The following PCM1 variants were observed in gnomAD, a reference collection of about 807,000 sequenced individuals.
PCM1 encodes the protein pericentriolar material 1.
PCM1 carries 157 observed loss-of-function variants against 241.9 expected under a neutral mutation model. That is an observed-to-expected ratio of 0.65 (90% confidence interval 0.57 to 0.74). The LOEUF is 0.74. PCM1 is among the 30% of genes least tolerant of loss of function. The pLI, the probability that PCM1 is intolerant of heterozygous loss-of-function variation, is 0.00. For missense variants in PCM1, 3,478 were observed against 2,360.1 expected, an observed-to-expected ratio of 1.47 and a Z score of -9.81; for synonymous variants, 1,085 against 784.9, an observed-to-expected ratio of 1.38 and a Z score of -6.39.
chr8:17,992,943 T>TC (rs2085292724), intron 28 of PCM1, among the ~76,000 whole-genome samples: 2 of 151,332 alleles, frequency 1.3e-5, no homozygotes, highest in African/African-American at 4.8e-5. Flanking sequence ...TGGTTTTTTT[T>TC]TTTTTTTTTT....
chr8:17,957,777 T>C lies in PCM1; in HGVS notation c.2040+2T>C, dbSNP rs918938442. On this transcript the variant is annotated splice_donor_variant, in intron 13 of 38. Transcript: ENST00000325083. LOFTEE classifies it high-confidence loss of function. The stretch of plus-strand genomic sequence containing the variant: ...CAAGATCTTGTTGCTATGGTACAGG[T>C]AAATATTGCTTGGTCTTTTAAAAAC... 3 of 1,586,752 alleles carry C rather than the reference T, an allele frequency of 1.9e-6. No homozygotes were observed. Among genetic ancestry groups the C allele is most frequent in the Non-Finnish European group, 2.6e-6 (3 of 1,156,648 alleles).
intron 18 of PCM1, 45 bp downstream of exon 18, chr8:17,964,813 G>T (rs761833489): frequency 1.4e-6 from 2 of 1,459,494 alleles, no homozygotes; most frequent in African/African-American, 2.8e-5. Context: ...AAGAGGCTCA[G>T]GTCTTTTTGA....
intron 16 of PCM1, 142 bp from the exon 17 acceptor site, chr8:17,962,959 A>T: frequency 3.3e-6 from 2 of 606,366 alleles, no homozygotes; most frequent in Non-Finnish European, 5.6e-6. Context: ...TATTATTTTA[A>T]CCTTCATGGA....
chr8:18,013,918 G>A (rs373324052), intron 34 of PCM1, 46 bp from the exon 35 acceptor site: 1 of 1,124,988 alleles, frequency 8.9e-7, no homozygotes, highest in Non-Finnish European at 1.3e-6. Flanking sequence ...CTTTTATAGT[G>A]ACCATATATT....
In PCM1 at chr8:17,972,678, A is replaced by G; in HGVS notation, c.3934A>G (p.Lys1312Glu). 3 of 1,532,122 alleles carry G rather than the reference A, an allele frequency of 2.0e-6. No homozygotes were observed. The highest frequency in any genetic ancestry group is 2.6e-6 in the Non-Finnish European group (3 of 1,140,598). The allele number at this position is 1,532,122 out of a possible 1,614,324, so 94.9% of individuals were successfully genotyped here. Residue 1312 changes from lysine (K) to glutamate (E), a missense_variant, in exon 23 of 39, where the codon AAA (lysine) becomes GAA (glutamate). Transcript: ENST00000325083. ...TTCTACTCAGCTGAAAAGCAGAGTT[A>G]AAAACATCAGTAAGTGTTGAAATTT... ...RNSTQLKSRV[K>E]NIRYESASMS... is the part of the protein sequence containing the mutation.
intron 38 of PCM1, among the ~76,000 whole-genome samples, chr8:18,026,529 G>C (rs2094229613): frequency 6.6e-6 from 1 of 151,736 alleles, no homozygotes; most frequent in Admixed American, 6.6e-5. Context: ...AAAGTGCTGA[G>C]ATTACAGGCG....
chr8:17,960,250 T>C lies in PCM1; in HGVS notation c.2193-65T>C, dbSNP rs997327309. ...AGGTGCTCAGCTAGGTACTGTGTTA[T>C]GTTGTGCCTAATGCTTCATCACATT... On this transcript the variant is annotated intron_variant, in intron 14 of 38. Transcript: ENST00000325083. 5.1e-6 allele frequency: 8 copies of C among 1,559,650 alleles called. No individual in the cohort carries two copies. In the African/African-American group the frequency reaches 1.1e-4, roughly 22 times the overall value.
chr8:17,940,434 C>G (rs1309992651), intron 6 of PCM1, among the ~76,000 whole-genome samples: 3 of 152,064 alleles, frequency 2.0e-5, no homozygotes, highest in African/African-American at 7.2e-5. Flanking sequence ...TTTTGTTAAG[C>G]AAAGCTTCAC....
chr8:18,018,001 A>T (rs1008620461), intron 36 of PCM1, among the ~76,000 whole-genome samples: 1 of 152,234 alleles, frequency 6.6e-6, no homozygotes, highest in Non-Finnish European at 1.5e-5. Flanking sequence ...GGAGTCACGT[A>T]CAGTGTTGGT....
chr8:18,003,585 A>G (rs936608351), intron 29 of PCM1, among the ~76,000 whole-genome samples: 1 of 152,140 alleles, frequency 6.6e-6, no homozygotes, highest in Admixed American at 6.5e-5. Context: ...CCTTCATTAT[A>G]GCACTTATGA....
chr8:18,007,939 C>G (rs1360283799), intron 30 of PCM1, among the ~76,000 whole-genome samples: 1 of 152,098 alleles, frequency 6.6e-6, no homozygotes, highest in Admixed American at 6.6e-5. Flanking sequence ...AGTGGTTTTA[C>G]TAAAAATGTA....
At chr8:18,009,167 A>T (rs2092052659) in intron 30 of PCM1, among the ~76,000 whole-genome samples, 1 of 152,224 alleles carries the variant, frequency 6.6e-6, no homozygotes, top group African/African-American at 2.4e-5. Context: ...TTCTAATGGT[A>T]CATTTAGAGG....
chr8:17,948,665 C>G (rs957846599), intron 7 of PCM1, among the ~76,000 whole-genome samples: 2 of 152,092 alleles, frequency 1.3e-5, no homozygotes, highest in East Asian at 1.9e-4. Flanking sequence ...GTAATAATTA[C>G]AAAGATTTTT....
At chr8:17,942,797 C>T (rs2062554892) in intron 6 of PCM1, among the ~76,000 whole-genome samples, 1 of 152,060 alleles carries the variant, frequency 6.6e-6, no homozygotes, top group African/African-American at 2.4e-5. Context: ...AGATCGAGAC[C>T]AGTCTGGCCA....
At chr8:18,022,067 G>C (rs927822341) in intron 36 of PCM1, among the ~76,000 whole-genome samples, 1 of 152,108 alleles carries the variant, frequency 6.6e-6, no homozygotes, top group Non-Finnish European at 1.5e-5. Context: ...TCATTGGAAA[G>C]GACTGTAGCA....
intron 7 of PCM1, among the ~76,000 whole-genome samples, chr8:17,948,857 GTTAATA>G (rs1177630640): frequency 1.3e-5 from 2 of 152,158 alleles, no homozygotes; most frequent in Non-Finnish European, 2.9e-5. Context: ...TCCTTTGGTA[GTTAATA>G]TTAATCTCTA....
In PCM1 at chr8:17,972,383, T is replaced by C. The variant is rs1297309526; in HGVS notation, c.3639T>C (p.Tyr1213=). The C allele has an allele frequency of 2.5e-6, 4 of 1,591,344 alleles. No homozygotes were observed. The highest frequency in any genetic ancestry group is 4.5e-5 in the East Asian group (2 of 44,556). ...EVESSRTPWL[Y]EQEGEVEKPF... ...AAAGCAGTAGGACACCATGGTTATA[T>C]GAACAAGAAGGTGAAGTAGAGAAAC... The change falls in exon 23 of 39, where the codon TAT becomes TAC. Residue 1213 remains tyrosine (Y), a synonymous_variant. Coordinates refer to ENST00000325083, the MANE Select transcript of PCM1 (RefSeq NM_006197.4).
intron 9 of PCM1, 83 bp downstream of exon 9, chr8:17,953,269 A>G: frequency 3.1e-6 from 2 of 654,818 alleles, no homozygotes; most frequent in South Asian, 5.7e-5. Context: ...TATTTGGTGA[A>G]TGAACACATA....
At chr8:17,946,610 C>T (rs139696973) in intron 6 of PCM1, among the ~76,000 whole-genome samples, 1,773 of 152,130 alleles carry the variant, frequency 0.012, 38 homozygotes, top group African/African-American at 0.041. Context: ...GATTCTCTTG[C>T]CTCAGCCTCC....
Sources: allele counts gnomAD v4.1 joint callset (sites outside exome capture counted in the v4.1 genomes callset), GRCh38; gene constraint gnomAD v4.1.1; transcripts MANE v1.5; gene names NCBI Gene and HGNC (gene_info 2026-07-23, HGNC 2026-07-21).